ADARB2: variants seen among roughly 807,000 people sequenced by gnomAD.
ADARB2 encodes the protein adenosine deaminase RNA specific B2 (inactive), also known as inactive double-stranded RNA-specific editase B2.
Under a neutral mutation model 62.2 loss-of-function variants are expected in ADARB2, and 25 were observed. The ratio of observed to expected loss-of-function variants is 0.40; its 90% CI spans 0.29 to 0.56. ADARB2 has a LOEUF of 0.56. Among genes scored for constraint, ADARB2 ranks in the 20% least tolerant of loss-of-function variants. The pLI is 0.43. For synonymous variants in ADARB2, 572 were observed against 500.8 expected, an observed-to-expected ratio of 1.14 and a Z score of -1.90; for missense variants, 1,071 against 1,077.4, an observed-to-expected ratio of 0.99 and a Z score of 0.08.
At chr10:1,440,446 T>C (rs1440570887) in intron 1 of ADARB2, among the ~76,000 whole-genome samples, 1 of 151,646 alleles carries the variant, frequency 6.6e-6, no homozygotes, top group Admixed American at 6.6e-5. Flanking sequence ...TCTTACCATC[T>C]TTAAAACTGG....
At chr10:1,570,510 G>A (rs1378767008) in intron 1 of ADARB2, among the ~76,000 whole-genome samples, 6 of 152,198 alleles carry the variant, frequency 3.9e-5, no homozygotes, top group Non-Finnish European at 8.8e-5. Context: ...TCTAAGCCTG[G>A]TGGCTTCAGG....
At chr10:1,378,893 G>A (rs544440694) in intron 2 of ADARB2, among the ~76,000 whole-genome samples, 181 bp downstream of exon 2, 1 of 152,292 alleles carries the variant, frequency 6.6e-6, no homozygotes, top group South Asian at 2.1e-4. Flanking sequence ...GCAGGTGTGG[G>A]TGGGGTTGCA....
At chr10:1,323,421 A>G (rs1044336272) in intron 3 of ADARB2, among the ~76,000 whole-genome samples, 15 of 152,212 alleles carry the variant, frequency 9.9e-5, no homozygotes, top group African/African-American at 3.1e-4. Context: ...AGTGTGGTGC[A>G]ATTCTTAACA....
intron 4 of ADARB2, among the ~76,000 whole-genome samples, chr10:1,262,287 T>TAGAATA (rs1268981039): frequency 7.4e-6 from 1 of 135,780 alleles, no homozygotes; most frequent in African/African-American, 2.9e-5. Context: ...AAACTTAAAG[T>TAGAATA]ATAATAATAA....
intron 1 of ADARB2, among the ~76,000 whole-genome samples, chr10:1,710,820 C>A (rs1159536719): frequency 1.3e-5 from 2 of 152,112 alleles, no homozygotes; most frequent in Admixed American, 1.3e-4. Context: ...GGGGCTTCAC[C>A]TTCACTCCTT....
At chr10:1,645,906 C>T (rs1451872881) in intron 1 of ADARB2, among the ~76,000 whole-genome samples, 3 of 152,314 alleles carry the variant, frequency 2.0e-5, no homozygotes, top group South Asian at 4.1e-4. Context: ...ATCAGTCATT[C>T]CAGCACAGGG....
intron 1 of ADARB2, among the ~76,000 whole-genome samples, chr10:1,498,549 A>T (rs924723704): frequency 2.0e-5 from 3 of 152,138 alleles, no homozygotes; most frequent in African/African-American, 7.2e-5. Flanking sequence ...TACAAAAAAA[A>T]ATTACTGTTT....
intron 1 of ADARB2, among the ~76,000 whole-genome samples, chr10:1,693,311 T>C (rs1375327519): frequency 6.6e-6 from 1 of 152,118 alleles, no homozygotes; most frequent in Non-Finnish European, 1.5e-5. Flanking sequence ...GGCCGCCATG[T>C]CTAGCCTTGA....
At chr10:1,253,962 TTC>T (rs1831057811) in intron 4 of ADARB2, among the ~76,000 whole-genome samples, 1 of 149,220 alleles carries the variant, frequency 6.7e-6, no homozygotes, top group Non-Finnish European at 1.5e-5. Flanking sequence ...ATACGGTGGG[TTC>T]TGTGTTTAGG....
intron 6 of ADARB2, among the ~76,000 whole-genome samples, chr10:1,219,323 G>A (rs1302644517): frequency 6.6e-6 from 1 of 152,184 alleles, no homozygotes; most frequent in Non-Finnish European, 1.5e-5. Flanking sequence ...GTTTATATAG[G>A]AACTTTCTCC....
intron 3 of ADARB2, among the ~76,000 whole-genome samples, chr10:1,317,175 T>C (rs1367224215): frequency 2.6e-5 from 4 of 152,248 alleles, no homozygotes; most frequent in African/African-American, 9.6e-5. Context: ...TTATGTTTTT[T>C]AGTTCCCTCA....
At chr10:1,415,496 C>CAGTGACAACT (rs1564283933) in intron 1 of ADARB2, among the ~76,000 whole-genome samples, 10 of 151,926 alleles carry the variant, frequency 6.6e-5, no homozygotes, top group Middle Eastern at 3.4e-3. Flanking sequence ...ATGAGTTGGC[C>CAGTGACAACT]AGATAAACAC....
intron 3 of ADARB2, among the ~76,000 whole-genome samples, chr10:1,356,520 C>T (rs1176686452): frequency 6.6e-6 from 1 of 152,188 alleles, no homozygotes; most frequent in Non-Finnish European, 1.5e-5. Flanking sequence ...CAACGAGGCT[C>T]TGCTTGTCCC....
intron 1 of ADARB2, among the ~76,000 whole-genome samples, chr10:1,628,820 G>A (rs762106989): frequency 2.6e-5 from 4 of 152,236 alleles, no homozygotes; most frequent in African/African-American, 4.8e-5. Flanking sequence ...ATTTGCTCAC[G>A]GCGGCCTCCG....
chr10:1,329,697 T>C (rs907375607), intron 3 of ADARB2, among the ~76,000 whole-genome samples: 3 of 152,176 alleles, frequency 2.0e-5, no homozygotes, highest in East Asian at 3.9e-4. Flanking sequence ...GTTTATTCGA[T>C]GGTGTGGGAC....
intron 1 of ADARB2, among the ~76,000 whole-genome samples, chr10:1,496,591 G>A (rs1039180597): frequency 1.3e-5 from 2 of 151,764 alleles, no homozygotes; most frequent in Non-Finnish European, 2.9e-5. Flanking sequence ...CAACATTGAT[G>A]ATACTAATCA....
chr10:1,375,601 C>T (rs1832415331), intron 2 of ADARB2, among the ~76,000 whole-genome samples: 1 of 152,246 alleles, frequency 6.6e-6, no homozygotes, highest in East Asian at 1.9e-4. Context: ...GGGATGAGAA[C>T]TGTCCTCGTA....
Position 1,204,721 on chromosome 10 carries a change from C to T in ADARB2, c.1683-4574G>A, listed in dbSNP as rs72760997. 3.8e-3 allele frequency among the ~76,000 whole-genome samples: 582 copies of T among 152,390 alleles called. 1 individual carries two copies. The highest frequency in any genetic ancestry group is 5.4e-3 in the Non-Finnish European group (369 of 68,036). On this transcript the variant is annotated intron_variant, in intron 7 of 9. Coordinates refer to ENST00000381312, the MANE Select transcript of ADARB2 (RefSeq NM_018702.4). ...GGTCCCCTCCTGTGTCCAGCACCAT[C>T]GTGACTGCCTCCTGCCGGGCTGCCC...
intron 1 of ADARB2, among the ~76,000 whole-genome samples, chr10:1,615,111 T>A (rs1385377232): frequency 6.6e-6 from 1 of 152,152 alleles, no homozygotes; most frequent in Non-Finnish European, 1.5e-5. Context: ...AGTTTTAAAT[T>A]TTTATTTTTT....
Sources: gnomAD v4.1 joint callset for allele counts (sites outside exome capture counted in the v4.1 genomes callset) on GRCh38, gnomAD v4.1.1 for gene constraint, MANE v1.5 for transcripts, NCBI Gene and HGNC (gene_info 2026-07-23, HGNC 2026-07-21) for gene names.